Variants in SLC2A13 observed in about 807,000 individuals in gnomAD.
SLC2A13 encodes solute carrier family 2 member 13.
A neutral mutation model predicts 64.4 loss-of-function variants in SLC2A13; 32 were observed. That is an observed-to-expected ratio of 0.50 (90% confidence interval 0.37 to 0.67). The LOEUF (loss-of-function observed/expected upper bound fraction) is 0.67. Among genes scored for constraint, SLC2A13 ranks in the 30% least tolerant of loss-of-function variants. The pLI is 0.00. For missense variants in SLC2A13, 743 were observed against 829.2 expected, an observed-to-expected ratio of 0.90 and a Z score of 1.28; for synonymous variants, 338 against 327.1, an observed-to-expected ratio of 1.03 and a Z score of -0.36.
chr12:39,789,064 GATA>G (rs1235511845), intron 7 of SLC2A13, among the ~76,000 whole-genome samples: 7 of 151,988 alleles, frequency 4.6e-5, no homozygotes, highest in African/African-American at 1.7e-4. Flanking sequence ...TTTAAAGAAT[GATA>G]ATAAGATAAT....
intron 3 of SLC2A13, among the ~76,000 whole-genome samples, chr12:40,012,989 T>A (rs1947555236): frequency 6.6e-6 from 1 of 152,178 alleles, no homozygotes; most frequent in Admixed American, 6.5e-5. Context: ...AGTGAGTTGG[T>A]AAGAAAAATC....
chr12:39,896,794 T>C (rs1944932130), intron 4 of SLC2A13, among the ~76,000 whole-genome samples: 2 of 152,110 alleles, frequency 1.3e-5, no homozygotes, highest in Admixed American at 6.5e-5. Flanking sequence ...AAGTTGCATA[T>C]ATTTAAGTGA....
intron 2 of SLC2A13, among the ~76,000 whole-genome samples, chr12:40,046,005 AG>A (rs1322340821): frequency 6.6e-6 from 1 of 152,244 alleles, no homozygotes; most frequent in African/African-American, 2.4e-5. Context: ...CAACATCGAT[AG>A]TAGCATCCAT....
At chr12:40,057,076 A>T (rs533337533) in intron 1 of SLC2A13, among the ~76,000 whole-genome samples, 1 of 152,306 alleles carries the variant, frequency 6.6e-6, no homozygotes, top group African/African-American at 2.4e-5. Context: ...TTAAATAGGG[A>T]AATGAGTAGC....
At chr12:40,077,877 A>G (rs1200947028) in intron 1 of SLC2A13, among the ~76,000 whole-genome samples, 3 of 152,156 alleles carry the variant, frequency 2.0e-5, no homozygotes, top group East Asian at 3.8e-4. Context: ...TTCCCTGTAT[A>G]GCTGTATTCC....
intron 6 of SLC2A13, among the ~76,000 whole-genome samples, chr12:39,863,771 T>C (rs535206643): frequency 2.0e-5 from 3 of 152,270 alleles, no homozygotes; most frequent in Middle Eastern, 3.4e-3. Context: ...CAAAGGCACA[T>C]AGATCACAAT....
At chr12:39,828,030 A>C (rs763095991) in intron 7 of SLC2A13, among the ~76,000 whole-genome samples, 1 of 152,122 alleles carries the variant, frequency 6.6e-6, no homozygotes, top group Non-Finnish European at 1.5e-5. Flanking sequence ...ATTCCAGGTA[A>C]TTGTATAAAA....
At chr12:40,040,598 G>C (rs1328500387) in intron 2 of SLC2A13, among the ~76,000 whole-genome samples, 3 of 152,102 alleles carry the variant, frequency 2.0e-5, no homozygotes, top group Non-Finnish European at 2.9e-5. Flanking sequence ...CACCATGTTG[G>C]GCAGGGTGGT....
intron 4 of SLC2A13, among the ~76,000 whole-genome samples, chr12:39,913,512 A>G (rs1483390260): frequency 1.1e-5 from 1 of 90,858 alleles, no homozygotes. Flanking sequence ...TTTGATTTAC[A>G]AAAAAAAAAA....
chr12:39,914,185 T>C (rs1450976472), intron 4 of SLC2A13, among the ~76,000 whole-genome samples: 1 of 152,028 alleles, frequency 6.6e-6, no homozygotes, highest in African/African-American at 2.4e-5. Flanking sequence ...CTGTGTGAGC[T>C]GCATCTAAAA....
At chr12:39,948,799 A>G (rs1399932849) in intron 4 of SLC2A13, among the ~76,000 whole-genome samples, 1 of 152,170 alleles carries the variant, frequency 6.6e-6, no homozygotes. Context: ...ATATACATAA[A>G]CATATGTGTT....
At chr12:39,988,821 A>C (rs1167275525) in intron 3 of SLC2A13, among the ~76,000 whole-genome samples, 1 of 152,140 alleles carries the variant, frequency 6.6e-6, no homozygotes, top group Non-Finnish European at 1.5e-5. Flanking sequence ...TATAAGTCAA[A>C]AACCTTTGAG....
intron 4 of SLC2A13, among the ~76,000 whole-genome samples, chr12:39,921,037 A>G (rs1460250606): frequency 6.6e-6 from 1 of 152,134 alleles, no homozygotes; most frequent in Admixed American, 6.5e-5. Context: ...CACAAGCCCA[A>G]GAGAATACTG....
chr12:39,791,231 A>G (rs1173820751), intron 7 of SLC2A13, among the ~76,000 whole-genome samples: 2 of 148,210 alleles, frequency 1.3e-5, no homozygotes, highest in Admixed American at 6.8e-5. Flanking sequence ...TTTCAAAATA[A>G]TAAGAGCTAT....
chr12:40,025,556 A>G (rs2136212838), intron 3 of SLC2A13, among the ~76,000 whole-genome samples: 1 of 152,364 alleles, frequency 6.6e-6, no homozygotes, highest in Admixed American at 6.5e-5. Flanking sequence ...AGTAAGCTCA[A>G]TGCGAACAGG....
chr12:40,036,222 TAG>T (rs770396810), intron 2 of SLC2A13, among the ~76,000 whole-genome samples: 65 of 152,262 alleles, frequency 4.3e-4, no homozygotes, highest in Non-Finnish European at 7.5e-4. Context: ...CAGAAGCTAT[TAG>T]AAAAAAATTC....
At chr12:39,807,269 A>T (rs1225524419) in intron 7 of SLC2A13, among the ~76,000 whole-genome samples, 2 of 152,144 alleles carry the variant, frequency 1.3e-5, no homozygotes, top group Non-Finnish European at 2.9e-5. Flanking sequence ...TGGTAACAGA[A>T]CTATATCTTG....
intron 3 of SLC2A13, among the ~76,000 whole-genome samples, chr12:40,007,720 C>A (rs956395296): frequency 1.3e-5 from 2 of 152,016 alleles, no homozygotes; most frequent in African/African-American, 2.4e-5. Context: ...ATTTTTACAA[C>A]TATAAAATGA....
chr12:39,959,345 C>G (rs1946370362), intron 3 of SLC2A13, among the ~76,000 whole-genome samples: 1 of 152,344 alleles, frequency 6.6e-6, no homozygotes, highest in Admixed American at 6.5e-5. Context: ...CCAATACATT[C>G]CAAAATCCTC....
Sources: allele counts gnomAD v4.1 joint callset (sites outside exome capture counted in the v4.1 genomes callset), GRCh38; gene constraint gnomAD v4.1.1; transcripts MANE v1.5; gene names NCBI Gene and HGNC (gene_info 2026-07-23, HGNC 2026-07-21).